The following TRAPPC9 variants were observed in gnomAD, a reference collection of about 807,000 sequenced individuals.
TRAPPC9 encodes the protein trafficking protein particle complex subunit 9.
In TRAPPC9, 83 loss-of-function variants were observed where a neutral mutation model predicts 124.0. The observed-to-expected ratio is 0.67, with a 90% CI of 0.56 to 0.80. The LOEUF (loss-of-function observed/expected upper bound fraction) is 0.80, where lower values mean the gene tolerates loss of function less well. Ranked by LOEUF, TRAPPC9 falls within the 30% of genes least tolerant of loss-of-function variation. The probability of loss-of-function intolerance (pLI) is 0.00; values close to 1 mark genes in which losing one functional copy is unlikely to be tolerated. For missense variants in TRAPPC9, 1,302 were observed against 1,508.3 expected (o/e 0.86, Z 2.27); for synonymous variants, 638 against 617.5 (o/e 1.03, Z -0.49).
At chr8:139,813,791 C>T (rs1824616911) in intron 21 of TRAPPC9, among the ~76,000 whole-genome samples, 2 of 152,228 alleles carry the variant, frequency 1.3e-5, no homozygotes, top group South Asian at 4.1e-4. Context: ...CCCACAGAAT[C>T]ATGGGAAAGA....
At chr8:139,856,844 T>C (rs1050922515) in intron 21 of TRAPPC9, among the ~76,000 whole-genome samples, 2 of 151,936 alleles carry the variant, frequency 1.3e-5, no homozygotes, top group African/African-American at 4.8e-5. Flanking sequence ...CAAACATTCA[T>C]CTACCCACCC....
chr8:140,114,842 G>A (rs906599268), intron 17 of TRAPPC9, among the ~76,000 whole-genome samples: 2 of 152,252 alleles, frequency 1.3e-5, no homozygotes, highest in African/African-American at 2.4e-5. Flanking sequence ...TCGATGATCC[G>A]GAATATGTGA....
intron 10 of TRAPPC9, among the ~76,000 whole-genome samples, chr8:140,303,979 T>C (rs1041470907): frequency 6.6e-6 from 1 of 152,214 alleles, no homozygotes; most frequent in African/African-American, 2.4e-5. Context: ...CTCACCAATG[T>C]AGACATTTTT....
chr8:139,814,468 C>CG (rs1213955320), intron 21 of TRAPPC9, among the ~76,000 whole-genome samples: 2 of 152,112 alleles, frequency 1.3e-5, no homozygotes, highest in African/African-American at 2.4e-5. Flanking sequence ...AAAAGGACCC[C>CG]GGGGCCCCTG....
chr8:140,451,205 A>G lies in TRAPPC9; in HGVS notation c.169T>C (p.Tyr57His). The G allele has an allele frequency of 1.2e-6, 2 of 1,614,182 alleles. No individual in the cohort carries two copies. The highest frequency in any genetic ancestry group is 1.7e-6 in the Non-Finnish European group (2 of 1,180,028). Reference sequence around the variant, plus strand: ...TTCTCGGGTGGGTAGTGGTGCCTGTAGCGGATGTAGAGGACTCGCTGGGAG... The same window carrying G: ...TTCTCGGGTGGGTAGTGGTGCCTGTGGCGGATGTAGAGGACTCGCTGGGAG... ...RDSQRVLYIR[Y>H]RHHYPPENNE... Residue 57 changes from tyrosine to histidine, a missense_variant, in exon 2 of 23, where the codon TAC (tyrosine) becomes CAC (histidine). This residue lies in a region of TRAPPC9 where 657 missense variants were observed against 811.2 expected (regional missense o/e 0.81). Transcript: ENST00000438773.
At chr8:140,200,952 A>T (rs1040519700) in intron 17 of TRAPPC9, among the ~76,000 whole-genome samples, 7 of 152,214 alleles carry the variant, frequency 4.6e-5, no homozygotes, top group African/African-American at 1.7e-4. Context: ...CTTTTCTGTA[A>T]ATCTAAAACC....
At chr8:140,316,774 A>AT in intron 9 of TRAPPC9, among the ~76,000 whole-genome samples, 1 of 152,304 alleles carries the variant, frequency 6.6e-6, no homozygotes, top group African/African-American at 2.4e-5. Flanking sequence ...GCTTCACAGA[A>AT]TGAGTTTGGA....
intron 19 of TRAPPC9, among the ~76,000 whole-genome samples, chr8:139,930,450 G>A (rs369383211): frequency 1.3e-5 from 2 of 152,186 alleles, no homozygotes; most frequent in East Asian, 1.9e-4. Context: ...CAAGGGGGTC[G>A]ATGACTAGAG....
chr8:140,108,555 G>A (rs188881192), intron 17 of TRAPPC9, among the ~76,000 whole-genome samples: 142 of 152,054 alleles, frequency 9.3e-4, no homozygotes, highest in Admixed American at 4.9e-3. Context: ...CGACATCTAC[G>A]CCTACCCTCA....
At chr8:139,796,688 GTTA>G (rs1255774181) in intron 21 of TRAPPC9, among the ~76,000 whole-genome samples, 2 of 152,134 alleles carry the variant, frequency 1.3e-5, no homozygotes, top group Non-Finnish European at 2.9e-5. Context: ...TCACTCTTTG[GTTA>G]TTATGAACAA....
At chr8:140,369,609 C>T (rs2068220735) in intron 8 of TRAPPC9, among the ~76,000 whole-genome samples, 1 of 152,106 alleles carries the variant, frequency 6.6e-6, no homozygotes, top group Non-Finnish European at 1.5e-5. Context: ...CCATGAGCAC[C>T]TTCAGTCAGC....
intron 17 of TRAPPC9, among the ~76,000 whole-genome samples, chr8:140,178,666 C>T (rs1563821712): frequency 6.6e-6 from 1 of 152,038 alleles, no homozygotes; most frequent in Non-Finnish European, 1.5e-5. Flanking sequence ...CCCTCCTCTA[C>T]TTTCTGAAAG....
intron 17 of TRAPPC9, among the ~76,000 whole-genome samples, chr8:140,157,034 A>G (rs80056867): frequency 0.038 from 1,607 of 42,428 alleles, 47 homozygotes; most frequent in Non-Finnish European, 0.048. Flanking sequence ...TTTCCATTCA[A>G]AAGCCTCCCT....
intron 17 of TRAPPC9, among the ~76,000 whole-genome samples, chr8:140,126,939 C>T (rs2061109888): frequency 6.6e-6 from 1 of 152,194 alleles, no homozygotes; most frequent in South Asian, 2.1e-4. Context: ...CTCATCCTCA[C>T]CCGATCCTTT....
chr8:140,407,390 T>A (rs1000254355), intron 5 of TRAPPC9, among the ~76,000 whole-genome samples: 1 of 151,960 alleles, frequency 6.6e-6, no homozygotes, highest in African/African-American at 2.4e-5. Flanking sequence ...CATTGTTGAG[T>A]TTTACTCTCT....
At chr8:140,308,456 G>A (rs980010892) in intron 10 of TRAPPC9, among the ~76,000 whole-genome samples, 28 of 152,000 alleles carry the variant, frequency 1.8e-4, no homozygotes, top group African/African-American at 6.5e-4. Flanking sequence ...AGTTTTCAAT[G>A]AGACCAGGTA....
At position 139,885,861 on chromosome 8, in the gene TRAPPC9, T is replaced by C. The variant is rs111467460; in HGVS notation, c.3055+18A>G. ...AGCACATCCACCCAGAATCGATGGGTGGCTGGCGGGTACTCACCCCACTGC... is the reference window on the plus strand; with the variant it reads ...AGCACATCCACCCAGAATCGATGGGCGGCTGGCGGGTACTCACCCCACTGC... On this transcript the variant is annotated intron_variant, in intron 21 of 22. Transcript: ENST00000438773. 6,098 of 1,554,074 alleles carry C rather than the reference T, an allele frequency of 3.9e-3. 226 individuals carry two copies. The African/African-American group carries it at 0.074, about 19-fold the overall frequency.
intron 17 of TRAPPC9, among the ~76,000 whole-genome samples, chr8:140,055,665 C>T (rs11985063): frequency 0.13 from 19,415 of 152,242 alleles, 2,668 homozygotes; most frequent in African/African-American, 0.35. Context: ...AGCAAAGTTA[C>T]AGGATGCAAC....
intron 21 of TRAPPC9, among the ~76,000 whole-genome samples, chr8:139,759,773 C>T (rs113933277): frequency 6.6e-5 from 10 of 152,326 alleles, no homozygotes; most frequent in African/African-American, 1.2e-4. Flanking sequence ...GGCTGGCACC[C>T]GCTCCTGCCC....
Sources: allele counts gnomAD v4.1 joint callset (sites outside exome capture counted in the v4.1 genomes callset), GRCh38; gene constraint gnomAD v4.1.1; regional missense constraint gnomAD v4.1.1; transcripts MANE v1.5; gene names NCBI Gene and HGNC (gene_info 2026-07-23, HGNC 2026-07-21).